Variants in BTBD3 observed in about 807,000 individuals in gnomAD.
BTBD3 encodes the protein BTB domain containing 3.
A neutral mutation model predicts 41.6 loss-of-function variants in BTBD3; 14 were observed. That is an observed-to-expected ratio of 0.34 (90% confidence interval 0.22 to 0.53). The LOEUF (loss-of-function observed/expected upper bound fraction) is 0.53, where lower values mean the gene tolerates loss of function less well. BTBD3 is among the 20% of genes least tolerant of loss of function. BTBD3 has a pLI of 0.95. For missense variants in BTBD3, 426 were observed against 654.7 expected, an observed-to-expected ratio of 0.65 and a Z score of 3.81; for synonymous variants, 249 against 233.7, an observed-to-expected ratio of 1.07 and a Z score of -0.60.
chr20:11,899,396 C>G (rs2056810090), intron 1 of BTBD3, among the ~76,000 whole-genome samples: 1 of 152,046 alleles, frequency 6.6e-6, no homozygotes, highest in South Asian at 2.1e-4. Context: ...TTTATTTTTT[C>G]ATATGAATTA....
chr20:11,923,552 C>T lies in BTBD3; in HGVS notation c.1455C>T (p.Gly485=). 1 of 1,614,172 alleles carries T rather than the reference C, an allele frequency of 6.2e-7. No individual in the cohort carries two copies. The highest frequency in any genetic ancestry group is 8.5e-7 in the Non-Finnish European group (1 of 1,180,022). Residue 485 remains glycine (G), a synonymous_variant, in exon 4 of 4, where the codon GGC becomes GGT. Coordinates refer to ENST00000378226, the MANE Select transcript of BTBD3 (RefSeq NM_014962.4). This position sits in a 1 kb window ranked among gnomAD's most constrained non-coding sequence, Gnocchi z 5.3. ...AACTCAGCTACTTTGGACAAGAAGG[C>T]ATGACAGAAGTTCAGTGTGGCAAAG... ...GNELSYFGQE[G]MTEVQCGKVT... is the part of the protein sequence containing the mutation.
intron 1 of BTBD3, among the ~76,000 whole-genome samples, chr20:11,900,896 A>G (rs771830475): frequency 1.6e-4 from 25 of 151,840 alleles, no homozygotes; most frequent in Non-Finnish European, 2.9e-4. Context: ...TATTTTTAGT[A>G]GAGATGGGGT....
At chr20:11,914,137 A>G (rs1393359273), upstream of BTBD3, among the ~76,000 whole-genome samples, 2 of 152,188 alleles carry the variant, frequency 1.3e-5, no homozygotes, top group South Asian at 2.1e-4. Context: ...TTGGAAAGAA[A>G]TTTTAGGAGT....
intron 1 of BTBD3, among the ~76,000 whole-genome samples, chr20:11,902,643 C>A (rs2056830825): frequency 6.6e-6 from 1 of 152,160 alleles, no homozygotes; most frequent in Admixed American, 6.5e-5. Context: ...GAGTTCACCA[C>A]AGGAATAACA....
In BTBD3 at chr20:11,919,631, C is replaced by G. The variant is rs539452687; in HGVS notation, c.418-87C>G. On this transcript the variant is annotated intron_variant, in intron 2 of 3. Transcript: ENST00000378226. ...TTTAGGTACGCTATGTTTACTAAAC[C>G]TGATTGCCTAGTGTTGTTTTTCTGC... 3 of 1,380,350 alleles carry G rather than the reference C, an allele frequency of 2.2e-6. No individual in the cohort carries two copies. The Admixed American group carries it at 5.1e-5, about 24-fold the overall frequency. 85.5% of individuals were successfully genotyped at this position (1,380,350 alleles called of 1,614,324 possible). A position where few individuals can be genotyped will look rare whatever the true frequency, so the allele number is the denominator to read the frequency against.
upstream of BTBD3, among the ~76,000 whole-genome samples, chr20:11,916,693 C>T (rs1189350007): frequency 1.3e-5 from 2 of 152,158 alleles, no homozygotes; most frequent in Admixed American, 1.3e-4. Context: ...TGAGCCCTCA[C>T]TGTGTCAGGT....
chr20:11,918,314 C>A lies in BTBD3; in HGVS notation c.39C>A (p.Thr13=). 1.2e-6 allele frequency: 2 copies of A among 1,607,390 alleles called. No individual in the cohort carries two copies. The highest frequency in any genetic ancestry group is 2.2e-5 in the East Asian group (1 of 44,850). ...DDKEKNMKCL[T]FFLMLPETVK... is the part of the protein sequence containing the mutation. ...AGGAAAAGAACATGAAATGTCTCACCTTCTTCTTGATGCTTCCAGAGACGG... is the reference window on the plus strand; with the variant it reads ...AGGAAAAGAACATGAAATGTCTCACATTCTTCTTGATGCTTCCAGAGACGG... Residue 13 remains threonine, a synonymous_variant, in exon 1 of 4, where the codon ACC becomes ACA. Coordinates refer to ENST00000378226, the MANE Select transcript of BTBD3 (RefSeq NM_014962.4).
chr20:11,902,393 T>G (rs774734538), intron 1 of BTBD3, among the ~76,000 whole-genome samples: 20 of 152,152 alleles, frequency 1.3e-4, no homozygotes, highest in Non-Finnish European at 2.8e-4. Flanking sequence ...CAATTCAACT[T>G]TTTTCTTGTA....
In BTBD3 at chr20:11,922,814, C is replaced by A; in HGVS notation, c.717C>A (p.Asp239Glu). The change falls in exon 4 of 4, where the codon GAC (aspartate) becomes GAA (glutamate). Residue 239 changes from aspartate (D) to glutamate (E), a missense_variant. Transcript: ENST00000378226. ...LSQSCLFEEP[D>E]LTQRCWEVID... ...AGAGCTGCCTGTTCGAGGAGCCAGACCTGACCCAGCGTTGCTGGGAGGTGA... is the reference window on the plus strand; with the variant it reads ...AGAGCTGCCTGTTCGAGGAGCCAGAACTGACCCAGCGTTGCTGGGAGGTGA... 6.2e-7 allele frequency: 1 copy of A among 1,614,206 alleles called. No individual in the cohort carries two copies. The highest frequency in any genetic ancestry group is 2.2e-5 in the East Asian group (1 of 44,876).
At chr20:11,900,706 CTTTT>C (rs33976204) in intron 1 of BTBD3, among the ~76,000 whole-genome samples, 9 of 111,498 alleles carry the variant, frequency 8.1e-5, no homozygotes, top group Admixed American at 2.8e-4. Context: ...AGTCCACCTA[CTTTT>C]TTTTTTTTTT....
intron 1 of BTBD3, among the ~76,000 whole-genome samples, chr20:11,895,153 A>G (rs535072300): frequency 1.3e-4 from 20 of 152,094 alleles, no homozygotes; most frequent in Non-Finnish European, 1.8e-4. Context: ...GATCTTGACT[A>G]ACTTTGAGGT....
At chr20:11,917,309 A>G (rs2056925047), upstream of BTBD3, among the ~76,000 whole-genome samples, 1 of 152,152 alleles carries the variant, frequency 6.6e-6, no homozygotes, top group Non-Finnish European at 1.5e-5. Flanking sequence ...GTATTTTGTG[A>G]CCTGAGACAC....
chr20:11,897,484 C>CAAAAAAAAAAAAA (rs71186168), intron 1 of BTBD3, among the ~76,000 whole-genome samples: 1 of 65,370 alleles, frequency 1.5e-5, no homozygotes, highest in Non-Finnish European at 2.7e-5. Flanking sequence ...GTTATTTAAG[C>CAAAAAAAAAAAAA]AAAAAAAAAA....
intron 1 of BTBD3, among the ~76,000 whole-genome samples, chr20:11,893,388 A>G (rs892215006): frequency 1.3e-5 from 2 of 152,240 alleles, no homozygotes; most frequent in East Asian, 1.9e-4. Flanking sequence ...AATTTTTCCC[A>G]TTTACTGTGA....
At chr20:11,900,909 C>T (rs1284875170) in intron 1 of BTBD3, among the ~76,000 whole-genome samples, 6 of 151,920 alleles carry the variant, frequency 3.9e-5, no homozygotes, top group Non-Finnish European at 7.4e-5. Flanking sequence ...GATGGGGTTT[C>T]ACCATGTTAG....
chr20:11,910,005 T>G (rs1379208691), intron 1 of BTBD3: 1 of 152,162 alleles, frequency 6.6e-6, no homozygotes, highest in Non-Finnish European at 1.5e-5. Flanking sequence ...TTGGGGAAAT[T>G]TGGCTGTGAT....
intron 1 of BTBD3, among the ~76,000 whole-genome samples, chr20:11,912,210 A>G (rs1457266629): frequency 6.6e-6 from 1 of 152,160 alleles, no homozygotes; most frequent in Non-Finnish European, 1.5e-5. Flanking sequence ...CATTGTCGAG[A>G]GAGGCCAAAT....
At chr20:11,907,414 G>T (rs2056861642) in intron 1 of BTBD3, among the ~76,000 whole-genome samples, 1 of 152,108 alleles carries the variant, frequency 6.6e-6, no homozygotes, top group Non-Finnish European at 1.5e-5. Flanking sequence ...GACCATTTTG[G>T]TCTAGGACCA....
At position 11,923,404 on chromosome 20, in the gene BTBD3, G is replaced by A. The variant is rs900273472; in HGVS notation, c.1307G>A (p.Gly436Glu). 2 of 1,614,202 alleles carry A rather than the reference G, an allele frequency of 1.2e-6. No individual in the cohort carries two copies. The highest frequency in any genetic ancestry group is 1.7e-5 in the Admixed American group (1 of 60,020). Residue 436 changes from glycine to glutamate, a missense_variant, in exon 4 of 4, where the codon GGG becomes GAG. By Grantham distance (98) the Gly-to-Glu change is moderately conservative (BLOSUM62 -2). This residue lies in a region of BTBD3 where 321 missense variants were observed against 534.8 expected (regional missense o/e 0.60). Coordinates refer to ENST00000378226, the MANE Select transcript of BTBD3 (RefSeq NM_014962.4). This position sits in a 1 kb window ranked among gnomAD's most constrained non-coding sequence, Gnocchi z 5.3. ...IELKRQGVVLGQNLSKYFSDG... is the reference protein window; with the variant it reads ...IELKRQGVVLEQNLSKYFSDG... ...CTTAAGCGGCAGGGCGTTGTCCTGGGGCAGAACTTGAGCAAGTACTTCTCA... is the reference window on the plus strand; with the variant it reads ...CTTAAGCGGCAGGGCGTTGTCCTGGAGCAGAACTTGAGCAAGTACTTCTCA...
Sources: allele counts gnomAD v4.1 joint callset (sites outside exome capture counted in the v4.1 genomes callset), GRCh38; gene constraint gnomAD v4.1.1; regional missense constraint gnomAD v4.1.1; non-coding constraint Gnocchi (gnomAD v3.1); transcripts MANE v1.5; gene names NCBI Gene and HGNC (gene_info 2026-07-23, HGNC 2026-07-21).